TIAM1: variants seen among roughly 807,000 people sequenced by gnomAD.
The protein encoded by TIAM1 is TIAM Rac1 associated GEF 1, also known as rho guanine nucleotide exchange factor TIAM1.
TIAM1 carries 65 observed loss-of-function variants against 163.5 expected under a neutral mutation model. The observed-to-expected ratio is 0.40, with a 90% CI of 0.33 to 0.49. TIAM1 has a LOEUF of 0.49. Ranked by LOEUF, TIAM1 falls within the 20% of genes least tolerant of loss-of-function variation. The pLI is 0.77. For missense variants in TIAM1, 1,789 were observed against 2,044.7 expected, an observed-to-expected ratio of 0.87 and a Z score of 2.41; for synonymous variants, 833 against 810.1, an observed-to-expected ratio of 1.03 and a Z score of -0.48.
chr21:31,137,697 C>T (rs778491010), intron 22 of TIAM1, among the ~76,000 whole-genome samples: 1 of 151,452 alleles, frequency 6.6e-6, no homozygotes, highest in African/African-American at 2.4e-5. Context: ...CATCGCCGCC[C>T]GGATGACTTT....
intron 2 of TIAM1, among the ~76,000 whole-genome samples, chr21:31,331,112 TA>T (rs1160748748): frequency 2.0e-5 from 3 of 151,744 alleles, no homozygotes. Context: ...GAGCCAGTGC[TA>T]AAAAAAACAA....
chr21:31,421,130 TAAAAAAAAA>T (rs71193115), intron 2 of TIAM1, among the ~76,000 whole-genome samples: 151 of 135,400 alleles, frequency 1.1e-3, no homozygotes, highest in African/African-American at 3.9e-3. Flanking sequence ...GACTTCCTCT[TAAAAAAAAA>T]AAAGAAAAGA....
At chr21:31,157,458 T>G (rs1364980736) in intron 16 of TIAM1, among the ~76,000 whole-genome samples, 1 of 152,224 alleles carries the variant, frequency 6.6e-6, no homozygotes, top group Non-Finnish European at 1.5e-5. Context: ...GATTGTATAC[T>G]TTACAAGTTT....
intron 2 of TIAM1, among the ~76,000 whole-genome samples, chr21:31,438,179 C>CTTTTTTTTTTTTTTTT (rs34844399): frequency 1.3e-4 from 8 of 62,720 alleles, no homozygotes; most frequent in African/African-American, 4.9e-4. Context: ...TATTTGTGAT[C>CTTTTTTTTTTTTTTTT]TTTTTTTTTT....
At chr21:31,123,644 G>A (rs1208419055) in intron 27 of TIAM1, among the ~76,000 whole-genome samples, 2 of 152,180 alleles carry the variant, frequency 1.3e-5, no homozygotes, top group Non-Finnish European at 2.9e-5. Flanking sequence ...TAGGTAGGAT[G>A]GTAATGGGTA....
intron 1 of TIAM1, among the ~76,000 whole-genome samples, chr21:31,477,966 T>A (rs2045987945): frequency 6.6e-6 from 1 of 151,826 alleles, no homozygotes; most frequent in African/African-American, 2.4e-5. Context: ...CTCCAGGAGG[T>A]TCTTAGAATG....
At position 31,266,562 on chromosome 21, in the gene TIAM1, A is replaced by C; in HGVS notation, c.411T>G (p.Asp137Glu). 1 of 1,614,220 alleles carries C rather than the reference A, an allele frequency of 6.2e-7. No homozygotes were observed. The highest frequency in any genetic ancestry group is 8.5e-7 in the Non-Finnish European group (1 of 1,180,052). ...PDTEESRLYG[D>E]DATYLAEGGR... ...CTCCCTCAGCCAAATATGTAGCGTC[A>C]TCCCCGTAAAGCCTGCTCTCCTCAG... The change falls in exon 4 of 28, where the codon GAT becomes GAG. Residue 137 changes from aspartate to glutamate, a missense_variant. Coordinates refer to ENST00000541036, the MANE Select transcript of TIAM1 (RefSeq NM_001353694.2).
chr21:31,216,762 G>A (rs2087237292), intron 9 of TIAM1, among the ~76,000 whole-genome samples: 1 of 152,148 alleles, frequency 6.6e-6, no homozygotes, highest in Non-Finnish European at 1.5e-5. Flanking sequence ...GAAGGGGGCT[G>A]TGGCAGTGGG....
intron 2 of TIAM1, among the ~76,000 whole-genome samples, chr21:31,312,394 T>G (rs1471647783): frequency 6.6e-6 from 1 of 152,098 alleles, no homozygotes; most frequent in Non-Finnish European, 1.5e-5. Context: ...GGAAACAATA[T>G]AACAGGTGAG....
intron 2 of TIAM1, among the ~76,000 whole-genome samples, chr21:31,362,959 C>T (rs922131112): frequency 2.0e-5 from 3 of 151,948 alleles, no homozygotes; most frequent in Admixed American, 2.0e-4. Context: ...TCCTTTCCCC[C>T]TTTATTTGTA....
rs571314891 is a variant in TIAM1, at chr21:31,503,471, G to A, written c.-421-39436C>T. Among the ~76,000 whole-genome samples, 501 of 61,870 alleles carry A rather than the reference G, an allele frequency of 8.1e-3. 14 individuals are homozygous for A. Among genetic ancestry groups the A allele is most frequent in the African/African-American group, 0.037 (472 of 12,926 alleles). 40.6% of individuals were successfully genotyped at this position (61,870 alleles called of 152,430 possible). Reference sequence around the variant, plus strand: ...GAAGGAAGGAAGGGAGGGAGGAAGGGAGGGAGGGAGGGAGGGAAAGAGAGA... The same window carrying A: ...GAAGGAAGGAAGGGAGGGAGGAAGGAAGGGAGGGAGGGAGGGAAAGAGAGA... On this transcript the variant is annotated intron_variant, in intron 1 of 28. Transcript: ENST00000286827.
At chr21:31,459,674 G>A (rs1052841682) in intron 2 of TIAM1, among the ~76,000 whole-genome samples, 1 of 152,168 alleles carries the variant, frequency 6.6e-6, no homozygotes, top group African/African-American at 2.4e-5. Flanking sequence ...TCTCCAACAG[G>A]CTGGGACTCT....
At chr21:31,219,380 C>T (rs1422111751) in intron 8 of TIAM1, among the ~76,000 whole-genome samples, 1 of 152,144 alleles carries the variant, frequency 6.6e-6, no homozygotes, top group Non-Finnish European at 1.5e-5. Context: ...TCTTTTGTTG[C>T]CAGAGGTGAA....
chr21:31,303,128 G>A (rs1209058132), intron 2 of TIAM1, among the ~76,000 whole-genome samples: 2 of 151,992 alleles, frequency 1.3e-5, no homozygotes, highest in Admixed American at 6.6e-5. Flanking sequence ...ACAAAAAAGT[G>A]GTATAAAATC....
At chr21:31,130,801 T>C in intron 24 of TIAM1, 89 bp downstream of exon 24, 1 of 1,275,954 alleles carries the variant, frequency 7.8e-7, no homozygotes, top group Non-Finnish European at 1.1e-6. Context: ...AAAAGGCTCA[T>C]ACTGACAAAA....
In TIAM1 at chr21:31,245,468, AAAGG is replaced by A. The variant is rs753749383; in HGVS notation, c.1584+16_1584+19del. The A allele has an allele frequency of 2.1e-5, 30 of 1,426,916 alleles. No homozygotes were observed. In the African/African-American group the frequency reaches 3.2e-4, roughly 15 times the overall value. 88.4% of individuals were successfully genotyped at this position (1,426,916 alleles called of 1,614,324 possible). On this transcript the variant is annotated intron_variant, in intron 6 of 27. Transcript: ENST00000541036. ...AGTTCAGAGGTTTGAAATGCCCTGCAAAGGAAGTGCCCAACAAACCTGAAAAAGG... is the reference window on the plus strand; with the variant it reads ...AGTTCAGAGGTTTGAAATGCCCTGCAAAGTGCCCAACAAACCTGAAAAAGG...
chr21:31,381,009 C>A (rs1437178789), intron 2 of TIAM1, among the ~76,000 whole-genome samples: 2 of 152,178 alleles, frequency 1.3e-5, no homozygotes, highest in Admixed American at 6.5e-5. Flanking sequence ...TGACACAGTG[C>A]AGCACTCAAA....
chr21:31,196,903 A>C (rs1601507522), intron 12 of TIAM1, among the ~76,000 whole-genome samples: 1 of 152,236 alleles, frequency 6.6e-6, no homozygotes, highest in Admixed American at 6.5e-5. Context: ...ACAGAATACT[A>C]TGTAGCCATG....
intron 2 of TIAM1, among the ~76,000 whole-genome samples, chr21:31,369,209 G>A (rs1381768445): frequency 8.9e-6 from 1 of 112,462 alleles, no homozygotes; most frequent in East Asian, 3.2e-4. Context: ...CTGGGTGACA[G>A]AGCGAGAATC....
Sources: allele counts gnomAD v4.1 joint callset (sites outside exome capture counted in the v4.1 genomes callset), GRCh38; gene constraint gnomAD v4.1.1; transcripts MANE v1.5; gene names NCBI Gene and HGNC (gene_info 2026-07-23, HGNC 2026-07-21).